MEF2C: variants seen among roughly 807,000 people sequenced by gnomAD.
MEF2C encodes the protein myocyte enhancer factor 2C, also known as myocyte-specific enhancer factor 2C.
Under a neutral mutation model 50.5 loss-of-function variants are expected in MEF2C, and 6 were observed. The observed-to-expected ratio is 0.12, with a 90% CI of 0.07 to 0.23. MEF2C has a LOEUF of 0.23. Among genes scored for constraint, MEF2C ranks in the 10% least tolerant of loss-of-function variants. The probability of loss-of-function intolerance (pLI) is 1.00; values close to 1 mark genes in which losing one functional copy is unlikely to be tolerated. For synonymous variants in MEF2C, 183 were observed against 228.0 expected, an observed-to-expected ratio of 0.80 and a Z score of 1.78; for missense variants, 276 against 605.0, an observed-to-expected ratio of 0.46 and a Z score of 5.70.
upstream of MEF2C, chr5:88,883,299 G>C (rs1367835635): frequency 2.0e-5 from 3 of 152,848 alleles, no homozygotes; most frequent in Non-Finnish European, 4.4e-5. Flanking sequence ...GAGGCCGCTC[G>C]GAAGAGGAGG....
intron 6 of MEF2C, chr5:88,748,158 C>T (rs1445772516): frequency 3.1e-6 from 3 of 982,946 alleles, no homozygotes; most frequent in Non-Finnish European, 3.6e-6. Context: ...TATTTGTAAA[C>T]CAATTTTCTT....
intron 1 of MEF2C, among the ~76,000 whole-genome samples, chr5:88,891,393 CTTTTTTTTT>C (rs771799863): frequency 9.5e-6 from 1 of 104,888 alleles, no homozygotes; most frequent in Non-Finnish European, 1.8e-5. Flanking sequence ...ACCAACCAAC[CTTTTTTTTT>C]TTTTTTTTTT....
chr5:88,777,557 A>G (rs1211156676), intron 3 of MEF2C, among the ~76,000 whole-genome samples: 1 of 152,240 alleles, frequency 6.6e-6, no homozygotes, highest in Non-Finnish European at 1.5e-5. Context: ...AGGTTGTTTA[A>G]CAATAAGGAT....
chr5:88,731,892 T>C lies in MEF2C; in HGVS notation c.647A>G (p.Tyr216Cys), dbSNP rs1761824693. 4.3e-6 allele frequency: 7 copies of C among 1,610,552 alleles called. No individual in the cohort carries two copies. The change falls in exon 7 of 11, where the codon TAT becomes TGT. Residue 216 changes from tyrosine to cysteine, a missense_variant. This residue lies in a region of MEF2C where 256 missense variants were observed against 468.1 expected (regional missense o/e 0.55). Coordinates refer to ENST00000504921, the MANE Select transcript of MEF2C (RefSeq NM_002397.5). ...ACCTGGTGAGTTTCGGGGATTGCCA[T>C]ACCCGTTCCCTGTTAACAAAAAACA... is the stretch of plus-strand genomic sequence containing the variant. The part of the protein sequence containing the change: ...SGAGTSAGNG[Y>C]GNPRNSPGLL...
At chr5:88,774,630 G>T (rs1012974892) in intron 3 of MEF2C, among the ~76,000 whole-genome samples, 2 of 152,192 alleles carry the variant, frequency 1.3e-5, no homozygotes, top group African/African-American at 2.4e-5. Context: ...TAGATTACTT[G>T]TAGAGATGGA....
chr5:88,723,984 C>T (rs2152074643), intron 10 of MEF2C, among the ~76,000 whole-genome samples: 1 of 152,238 alleles, frequency 6.6e-6, no homozygotes, highest in East Asian at 1.9e-4. Context: ...TCAGGATAAA[C>T]CATAGTGGCA....
chr5:88,858,373 T>C (rs978534520), intron 1 of MEF2C, among the ~76,000 whole-genome samples: 4 of 152,172 alleles, frequency 2.6e-5, no homozygotes, highest in South Asian at 2.1e-4. Flanking sequence ...CAAGACTCCA[T>C]AGAGATTGGA....
intron 5 of MEF2C, chr5:88,751,180 T>A: frequency 1.0e-6 from 1 of 971,496 alleles, no homozygotes; most frequent in Non-Finnish European, 1.2e-6. Flanking sequence ...TTGATTGTTC[T>A]AAGTACTAAG....
At chr5:88,867,359 T>C (rs1340386877) in intron 1 of MEF2C, among the ~76,000 whole-genome samples, 1 of 152,074 alleles carries the variant, frequency 6.6e-6, no homozygotes, top group Non-Finnish European at 1.5e-5. Flanking sequence ...AAGAAGAGAG[T>C]GGACTTGAGA....
chr5:88,739,093 T>C (rs910575039), intron 6 of MEF2C: 1 of 985,250 alleles, frequency 1.0e-6, no homozygotes, highest in Non-Finnish European at 1.2e-6. Context: ...CCAGCTTCTA[T>C]CAGAAACACC....
intron 1 of MEF2C, among the ~76,000 whole-genome samples, chr5:88,901,194 C>T (rs1835618125): frequency 6.6e-6 from 1 of 151,594 alleles, no homozygotes; most frequent in African/African-American, 2.4e-5. Flanking sequence ...TATCTATAGT[C>T]TAGTTATTCC....
intron 4 of MEF2C, among the ~76,000 whole-genome samples, chr5:88,756,324 TG>T (rs899556259): frequency 9.9e-5 from 15 of 152,160 alleles, no homozygotes; most frequent in Non-Finnish European, 1.5e-5. Flanking sequence ...TCCCCCCTTT[TG>T]GAGTCCCCAG....
intron 1 of MEF2C, among the ~76,000 whole-genome samples, chr5:88,824,626 C>A (rs778132088): frequency 2.0e-5 from 3 of 151,820 alleles, no homozygotes; most frequent in Non-Finnish European, 4.4e-5. Context: ...AAAAGATAAG[C>A]ATTGACACAA....
intron 9 of MEF2C, 134 bp from the exon 10 acceptor site, chr5:88,728,762 G>T: frequency 1.5e-6 from 1 of 651,148 alleles, no homozygotes. Flanking sequence ...TAATTTTGAG[G>T]GGAGGGGAGA....
chr5:88,887,903 A>T (rs1431146300), upstream of MEF2C, among the ~76,000 whole-genome samples: 1 of 152,236 alleles, frequency 6.6e-6, no homozygotes, highest in South Asian at 2.1e-4. Flanking sequence ...TTGTTATTTC[A>T]AGACAAGGTT....
At chr5:88,777,485 A>G (rs187699330) in intron 3 of MEF2C, among the ~76,000 whole-genome samples, 1 of 152,328 alleles carries the variant, frequency 6.6e-6, no homozygotes, top group Admixed American at 6.5e-5. Context: ...AACCAAGTCT[A>G]TGAACCCATG....
chr5:88,823,851 C>T lies in MEF2C; in HGVS notation c.-63G>A. On this transcript the variant is annotated 5_prime_UTR_variant, in exon 2 of 11. Transcript: ENST00000504921. ...ATGTATTTTTTCCTTCCTTTTCTTT[C>T]TCTTTCCTGTTTCCTCCAAACAAAT... The T allele has an allele frequency of 1.2e-6, 2 of 1,600,490 alleles. No individual in the cohort carries two copies. Among genetic ancestry groups the T allele is most frequent in the Admixed American group, 1.7e-5 (1 of 59,030 alleles).
chr5:88,735,354 C>A (rs1763664634), intron 6 of MEF2C: 1 of 985,282 alleles, frequency 1.0e-6, no homozygotes, highest in Non-Finnish European at 1.2e-6. Flanking sequence ...TTTTTTCATG[C>A]TATGTTTTAA....
chr5:88,852,746 T>C (rs1821847066), intron 1 of MEF2C, among the ~76,000 whole-genome samples: 1 of 151,794 alleles, frequency 6.6e-6, no homozygotes, highest in Admixed American at 6.6e-5. Flanking sequence ...ACACAAATAC[T>C]AAAATACAAA....
Sources: allele counts gnomAD v4.1 joint callset (sites outside exome capture counted in the v4.1 genomes callset), GRCh38; gene constraint gnomAD v4.1.1; regional missense constraint gnomAD v4.1.1; transcripts MANE v1.5; gene names NCBI Gene and HGNC (gene_info 2026-07-23, HGNC 2026-07-21).